MCTP1: variants seen among roughly 807,000 people sequenced by gnomAD.
The protein encoded by MCTP1 is multiple C2 and transmembrane domain-containing protein 1.
Under a neutral mutation model 120.6 loss-of-function variants are expected in MCTP1, and 69 were observed. The ratio of observed to expected loss-of-function variants is 0.57; its 90% CI spans 0.47 to 0.70. The LOEUF is 0.70. Ranked by LOEUF, MCTP1 falls within the 30% of genes least tolerant of loss-of-function variation. The pLI, the probability that MCTP1 is intolerant of heterozygous loss-of-function variation, is 0.00. For missense variants in MCTP1, 1,203 were observed against 1,248.8 expected (o/e 0.96, Z 0.55); for synonymous variants, 529 against 493.1 (o/e 1.07, Z -0.96).
chr5:94,882,547 T>TAA (rs2067143), intron 12 of MCTP1, among the ~76,000 whole-genome samples: 95,178 of 151,702 alleles, frequency 0.63, 30,958 homozygotes, highest in Non-Finnish European at 0.73. Flanking sequence ...AAATATTTTT[T>TAA]AAGTTTAATT....
intron 2 of MCTP1, among the ~76,000 whole-genome samples, chr5:94,992,097 A>C (rs1339081696): frequency 6.6e-6 from 1 of 152,208 alleles, no homozygotes; most frequent in Non-Finnish European, 1.5e-5. Context: ...ACTGTGGTGC[A>C]TCACTGTAGC....
chr5:95,238,240 G>C (rs1755772631), intron 1 of MCTP1, among the ~76,000 whole-genome samples: 1 of 152,164 alleles, frequency 6.6e-6, no homozygotes, highest in Non-Finnish European at 1.5e-5. Flanking sequence ...CTACCTGCAA[G>C]GAGGTTTCAG....
At chr5:94,799,773 A>T (rs1265412158) in intron 17 of MCTP1, among the ~76,000 whole-genome samples, 2 of 152,210 alleles carry the variant, frequency 1.3e-5, no homozygotes, top group Non-Finnish European at 2.9e-5. Context: ...CTTTTTTAAC[A>T]TACCTACTTC....
At chr5:95,122,790 T>G (rs1324051762) in intron 1 of MCTP1, among the ~76,000 whole-genome samples, 1 of 152,208 alleles carries the variant, frequency 6.6e-6, no homozygotes, top group African/African-American at 2.4e-5. Flanking sequence ...ATGTGATACA[T>G]ATACACATAG....
chr5:95,284,161 C>T lies in MCTP1; in HGVS notation c.415G>A (p.Ala139Thr), dbSNP rs775115981. Residue 139 changes from alanine (A) to threonine (T), a missense_variant, in exon 1 of 23, where the codon GCC (alanine) becomes ACC (threonine). Ala to Thr is a moderately conservative substitution (Grantham distance 58, BLOSUM62 0). Coordinates refer to ENST00000515393, the MANE Select transcript of MCTP1 (RefSeq NM_024717.7). This position sits in a 1 kb window ranked among gnomAD's most constrained non-coding sequence, Gnocchi z 5.2. ...GGCGTCCCTCCCGCTGCTCCCGAGG[C>T]CGCCGCGGGCCCCTTTACGGCGGGG... ...LLPAVKGPAA[A>T]SGAAGGTPPG... is the part of the protein sequence containing the mutation. 3.8e-6 allele frequency: 6 copies of T among 1,565,740 alleles called. No individual in the cohort carries two copies. In the South Asian group the frequency reaches 5.8e-5, roughly 15 times the overall value.
intron 5 of MCTP1, among the ~76,000 whole-genome samples, chr5:94,936,254 C>A (rs13159577): frequency 0.13 from 20,424 of 151,812 alleles, 1,452 homozygotes; most frequent in African/African-American, 0.16. Flanking sequence ...AAACCATACA[C>A]CCTCCCTTGG....
chr5:95,274,955 C>G (rs1453528521), intron 1 of MCTP1, among the ~76,000 whole-genome samples: 2 of 152,154 alleles, frequency 1.3e-5, no homozygotes, highest in African/African-American at 4.8e-5. Context: ...CCCACCTCCA[C>G]AATTTCCACA....
At chr5:95,260,956 A>G (rs1758418366) in intron 1 of MCTP1, among the ~76,000 whole-genome samples, 1 of 152,202 alleles carries the variant, frequency 6.6e-6, no homozygotes, top group South Asian at 2.1e-4. Context: ...ACAACCTTGC[A>G]ATAGATTGCT....
At chr5:94,796,540 C>T in intron 18 of MCTP1, among the ~76,000 whole-genome samples, 1 of 144,160 alleles carries the variant, frequency 6.9e-6, no homozygotes, top group African/African-American at 2.6e-5. Context: ...AAACACTTTC[C>T]CTAAATTCGT....
intron 1 of MCTP1, among the ~76,000 whole-genome samples, chr5:95,255,665 A>T (rs559078202): frequency 2.6e-5 from 4 of 152,268 alleles, no homozygotes; most frequent in African/African-American, 9.6e-5. Flanking sequence ...GAAAATATAA[A>T]ATCAGAAGAT....
intron 19 of MCTP1, among the ~76,000 whole-genome samples, chr5:94,778,811 C>T (rs1460423889): frequency 3.9e-5 from 6 of 152,164 alleles, no homozygotes; most frequent in Non-Finnish European, 7.3e-5. Flanking sequence ...TTTTGCCCTT[C>T]AACAACAGTC....
At chr5:94,742,204 ATTTT>A (rs1243328086) in intron 19 of MCTP1, among the ~76,000 whole-genome samples, 1 of 152,068 alleles carries the variant, frequency 6.6e-6, no homozygotes, top group Non-Finnish European at 1.5e-5. Flanking sequence ...ATGTTTTTAA[ATTTT>A]TTTAAATTTT....
At chr5:94,736,157 C>A (rs1183181246) in intron 19 of MCTP1, among the ~76,000 whole-genome samples, 1 of 152,260 alleles carries the variant, frequency 6.6e-6, no homozygotes, top group Admixed American at 6.5e-5. Flanking sequence ...CCACCACTAT[C>A]ACTTACAATA....
chr5:95,216,294 A>C (rs538543609), intron 1 of MCTP1, among the ~76,000 whole-genome samples: 1 of 152,294 alleles, frequency 6.6e-6, no homozygotes, highest in Non-Finnish European at 1.5e-5. Flanking sequence ...AATTGGAGAC[A>C]CTGTTATGTT....
intron 1 of MCTP1, among the ~76,000 whole-genome samples, chr5:95,194,037 C>G (rs184079433): frequency 6.6e-6 from 1 of 151,800 alleles, no homozygotes; most frequent in South Asian, 2.1e-4. Context: ...AAAGCAAGAC[C>G]GTGTCTCTAC....
At chr5:95,199,991 T>A (rs1750825007) in intron 1 of MCTP1, among the ~76,000 whole-genome samples, 1 of 151,818 alleles carries the variant, frequency 6.6e-6, no homozygotes, top group Non-Finnish European at 1.5e-5. Context: ...TGAAACCTCG[T>A]CTCTACTAAA....
chr5:94,782,827 G>GA (rs571953292), intron 18 of MCTP1, among the ~76,000 whole-genome samples: 20 of 152,176 alleles, frequency 1.3e-4, no homozygotes, highest in African/African-American at 4.8e-4. Context: ...CCTTGAAGGG[G>GA]AAAAAATGAA....
chr5:95,283,466 C>T (rs1386181986), intron 1 of MCTP1, among the ~76,000 whole-genome samples: 1 of 152,216 alleles, frequency 6.6e-6, no homozygotes, highest in Non-Finnish European at 1.5e-5. Flanking sequence ...TCCAATGGTA[C>T]CTCTCCACAC....
At chr5:94,888,129 A>G (rs1801745412) in intron 12 of MCTP1, among the ~76,000 whole-genome samples, 1 of 152,226 alleles carries the variant, frequency 6.6e-6, no homozygotes, top group Non-Finnish European at 1.5e-5. Context: ...TTTAAGGAAC[A>G]GTATAAGCAT....
Sources: allele counts gnomAD v4.1 joint callset (sites outside exome capture counted in the v4.1 genomes callset), GRCh38; gene constraint gnomAD v4.1.1; non-coding constraint Gnocchi (gnomAD v3.1); transcripts MANE v1.5; gene names NCBI Gene and HGNC (gene_info 2026-07-23, HGNC 2026-07-21).